Variants in SDK1 observed in about 807,000 individuals in gnomAD.
SDK1 encodes sidekick cell adhesion molecule 1.
In SDK1, 157 loss-of-function variants were observed where a neutral mutation model predicts 245.5. That is an observed-to-expected ratio of 0.64 (90% CI 0.56 to 0.73). The LOEUF is 0.73. SDK1 is among the 30% of genes least tolerant of loss of function. SDK1 has a pLI of 0.00. For missense variants in SDK1, 3,583 were observed against 3,002.3 expected, an observed-to-expected ratio of 1.19 and a Z score of -4.52; for synonymous variants, 1,647 against 1,278.5, an observed-to-expected ratio of 1.29 and a Z score of -6.15.
intron 25 of SDK1, among the ~76,000 whole-genome samples, chr7:4,120,623 ACT>A (rs1298618486): frequency 7.1e-6 from 1 of 141,622 alleles, no homozygotes; most frequent in Non-Finnish European, 1.6e-5. Flanking sequence ...TTCAAATAAT[ACT>A]CTTTTTTTTG....
At chr7:3,644,577 A>C (rs2128653411) in intron 4 of SDK1, among the ~76,000 whole-genome samples, 1 of 151,508 alleles carries the variant, frequency 6.6e-6, no homozygotes, top group Admixed American at 6.6e-5. Flanking sequence ...CAGCCTGGGC[A>C]ACATACTGAA....
intron 1 of SDK1, among the ~76,000 whole-genome samples, chr7:3,363,137 T>C (rs981695792): frequency 9.2e-5 from 14 of 152,192 alleles, no homozygotes; most frequent in African/African-American, 3.4e-4. Context: ...TGACCTCTCC[T>C]ATCTCCTTCC....
At chr7:3,562,008 T>G (rs2614945) in intron 1 of SDK1, among the ~76,000 whole-genome samples, 1 of 151,986 alleles carries the variant, frequency 6.6e-6, no homozygotes, top group Non-Finnish European at 1.5e-5. Context: ...GAAATAAGCA[T>G]TCATAAATAT....
intron 4 of SDK1, among the ~76,000 whole-genome samples, chr7:3,726,346 ATAGT>A (rs1779007402): frequency 6.6e-6 from 1 of 152,218 alleles, no homozygotes; most frequent in South Asian, 2.1e-4. Flanking sequence ...GGATATTAAG[ATAGT>A]TGGTATAGGC....
intron 19 of SDK1, among the ~76,000 whole-genome samples, chr7:4,052,845 T>G (rs1016294383): frequency 6.6e-6 from 1 of 152,086 alleles, no homozygotes; most frequent in Non-Finnish European, 1.5e-5. Flanking sequence ...TCCCAGCACT[T>G]TGGGAGGCTG....
chr7:3,799,313 G>T (rs532552443), intron 4 of SDK1, among the ~76,000 whole-genome samples: 5 of 151,654 alleles, frequency 3.3e-5, no homozygotes, highest in African/African-American at 1.2e-4. Flanking sequence ...ATCTCAAATT[G>T]TGGCATGTTC....
intron 40 of SDK1, among the ~76,000 whole-genome samples, chr7:4,225,989 T>C (rs1441171671): frequency 6.6e-6 from 1 of 152,116 alleles, no homozygotes; most frequent in Non-Finnish European, 1.5e-5. Context: ...CCCCCTCCCT[T>C]CAATGATTAA....
chr7:3,790,202 T>C (rs1781036176), intron 4 of SDK1, among the ~76,000 whole-genome samples: 1 of 152,134 alleles, frequency 6.6e-6, no homozygotes, highest in Non-Finnish European at 1.5e-5. Flanking sequence ...TATGTCACAG[T>C]TTAGAAGCCA....
intron 35 of SDK1, among the ~76,000 whole-genome samples, chr7:4,194,468 G>A (rs74461641): frequency 0.17 from 19,069 of 114,694 alleles, 3,140 homozygotes; most frequent in Middle Eastern, 0.31. Flanking sequence ...ATGTGTGTGT[G>A]TATATATATA....
intron 1 of SDK1, among the ~76,000 whole-genome samples, chr7:3,425,185 C>T (rs1378040204): frequency 7.4e-5 from 11 of 148,426 alleles, no homozygotes; most frequent in African/African-American, 2.7e-4. Context: ...TTCTGTTTTT[C>T]TTCCCCATAA....
At chr7:3,980,515 G>A (rs995021100) in intron 13 of SDK1, among the ~76,000 whole-genome samples, 58 of 152,234 alleles carry the variant, frequency 3.8e-4, no homozygotes, top group Middle Eastern at 6.8e-3. Flanking sequence ...GTAATGCTTC[G>A]ACGCAATCTA....
chr7:3,315,409 G>A (rs2128544994), intron 1 of SDK1, among the ~76,000 whole-genome samples: 1 of 150,170 alleles, frequency 6.7e-6, no homozygotes, highest in Middle Eastern at 3.4e-3. Context: ...ATCTTTGAGT[G>A]CACCCCTGTC....
At chr7:3,859,500 A>G (rs1312684200) in intron 5 of SDK1, among the ~76,000 whole-genome samples, 3 of 152,028 alleles carry the variant, frequency 2.0e-5, no homozygotes, top group Non-Finnish European at 4.4e-5. Flanking sequence ...ATGATGTTGT[A>G]AAGACCTGAG....
chr7:3,498,033 T>A (rs1183000079), intron 1 of SDK1, among the ~76,000 whole-genome samples: 1 of 152,242 alleles, frequency 6.6e-6, no homozygotes, highest in Non-Finnish European at 1.5e-5. Context: ...TATAATTGAT[T>A]TAAAGAAACT....
chr7:3,630,807 T>G (rs1379526788), intron 2 of SDK1, among the ~76,000 whole-genome samples: 2 of 151,464 alleles, frequency 1.3e-5, no homozygotes, highest in Non-Finnish European at 2.9e-5. Context: ...GAAGGCTTAG[T>G]ATTATTAACA....
intron 25 of SDK1, among the ~76,000 whole-genome samples, chr7:4,121,095 TTTG>T (rs1382508165): frequency 6.6e-6 from 1 of 152,192 alleles, no homozygotes; most frequent in Non-Finnish European, 1.5e-5. Context: ...TTCTTCTGAC[TTTG>T]TTTTTTTTCA....
At chr7:3,615,561 C>T (rs1781740051) in intron 1 of SDK1, among the ~76,000 whole-genome samples, 1 of 151,720 alleles carries the variant, frequency 6.6e-6, no homozygotes, top group South Asian at 2.1e-4. Context: ...GGGACAGCGA[C>T]TGTGTCTTAC....
In SDK1 at chr7:3,974,123, G is replaced by T. The variant is rs191967799; in HGVS notation, c.1818-246G>T. ...TGCTTGAACCCAGGAGGTGGAGGCT[G>T]CAGTGGGCCAAGATCATGCCACTGC... On this transcript the variant is annotated intron_variant, in intron 12 of 44. Transcript: ENST00000404826. Among the ~76,000 whole-genome samples, 559 of 144,842 alleles carry T rather than the reference G, an allele frequency of 3.9e-3. 4 individuals carry two copies. Among genetic ancestry groups the T allele is most frequent in the African/African-American group, 0.014 (530 of 38,462 alleles).
chr7:3,936,186 A>C (rs755743758), intron 5 of SDK1, among the ~76,000 whole-genome samples: 3 of 152,188 alleles, frequency 2.0e-5, no homozygotes, highest in Non-Finnish European at 2.9e-5. Context: ...TCTAGAATCA[A>C]GTTCACAGAG....
Sources: allele counts gnomAD v4.1 joint callset (sites outside exome capture counted in the v4.1 genomes callset), GRCh38; gene constraint gnomAD v4.1.1; transcripts MANE v1.5; gene names NCBI Gene and HGNC (gene_info 2026-07-23, HGNC 2026-07-21).